Variants in USH2A observed in about 807,000 individuals in gnomAD.
USH2A encodes the protein Usher syndrome 2A (autosomal recessive, mild).
USH2A carries 443 observed loss-of-function variants against 538.9 expected under a neutral mutation model. The observed-to-expected ratio is 0.82, with a 90% CI of 0.76 to 0.89. The LOEUF (loss-of-function observed/expected upper bound fraction) is 0.89, where lower values mean the gene tolerates loss of function less well. Ranked by LOEUF, USH2A falls within the 40% of genes least tolerant of loss-of-function variation. The pLI, the probability that USH2A is intolerant of heterozygous loss-of-function variation, is 0.00. For synonymous variants in USH2A, 2,413 were observed against 2,273.5 expected (o/e 1.06, Z -1.75); for missense variants, 6,633 against 6,324.8 (o/e 1.05, Z -1.65).
At chr1:215,745,637 T>C (rs1660449842) in intron 58 of USH2A, among the ~76,000 whole-genome samples, 3 of 152,208 alleles carry the variant, frequency 2.0e-5, no homozygotes, top group Admixed American at 2.0e-4. Flanking sequence ...TTACTATTTT[T>C]TAAGATGAGA....
intron 64 of USH2A, among the ~76,000 whole-genome samples, chr1:215,651,974 G>C (rs920690962): frequency 1.3e-5 from 2 of 152,214 alleles, no homozygotes; most frequent in African/African-American, 4.8e-5. Context: ...GGATTGCCAG[G>C]AGCCTCATTT....
chr1:216,100,199 G>C (rs778927981), intron 21 of USH2A, among the ~76,000 whole-genome samples: 5 of 152,126 alleles, frequency 3.3e-5, no homozygotes, highest in Non-Finnish European at 7.4e-5. Context: ...CAGTTAAGTA[G>C]AATGGACAGA....
intron 32 of USH2A, among the ~76,000 whole-genome samples, chr1:216,015,147 A>G (rs1204741313): frequency 6.6e-6 from 1 of 152,190 alleles, no homozygotes; most frequent in Non-Finnish European, 1.5e-5. Flanking sequence ...TAAAAATTTT[A>G]GAGCAATATA....
At chr1:215,824,879 G>C (rs1218085992) in intron 47 of USH2A, among the ~76,000 whole-genome samples, 1 of 152,144 alleles carries the variant, frequency 6.6e-6, no homozygotes, top group Admixed American at 6.6e-5. Context: ...GGATATGAAA[G>C]TCCAATTTTC....
chr1:216,230,742 C>T (rs1372376630), intron 14 of USH2A, among the ~76,000 whole-genome samples: 1 of 151,992 alleles, frequency 6.6e-6, no homozygotes, highest in Non-Finnish European at 1.5e-5. Context: ...TATAAATATA[C>T]ACATATTGAG....
intron 4 of USH2A, among the ~76,000 whole-genome samples, chr1:216,348,730 G>C (rs1048107829): frequency 6.6e-6 from 1 of 152,066 alleles, no homozygotes; most frequent in African/African-American, 2.4e-5. Flanking sequence ...AAAAGAAAAA[G>C]AATTGCTTCA....
rs1159266343 is a variant in USH2A, at chr1:215,647,570, C to T, written c.14743G>A (p.Val4915Met). 1 of 1,614,176 alleles carries T rather than the reference C, an allele frequency of 6.2e-7. No homozygotes were observed. Residue 4915 changes from valine (V) to methionine (M), a missense_variant, in exon 67 of 72, where the codon GTG becomes ATG. Val to Met is a conservative substitution (Grantham distance 21). Coordinates refer to ENST00000307340, the MANE Select transcript of USH2A (RefSeq NM_206933.4). ...YKLRVVAHNE[V>M]GSTASEWISF... ...ATCCACTCGGAAGCCGTACTGCCCA[C>T]CTCGTTGTGTGCCACCACTCTCAGC...
intron 64 of USH2A, among the ~76,000 whole-genome samples, chr1:215,664,193 T>G (rs1170703894): frequency 2.0e-5 from 3 of 152,206 alleles, no homozygotes; most frequent in African/African-American, 7.2e-5. Context: ...TTTTTGATAG[T>G]GTGGGTTTTC....
At chr1:216,336,172 A>C (rs1455490361) in intron 4 of USH2A, among the ~76,000 whole-genome samples, 1 of 151,522 alleles carries the variant, frequency 6.6e-6, no homozygotes, top group Non-Finnish European at 1.5e-5. Context: ...AAACGTCATG[A>C]TCATCTTAAT....
chr1:216,403,622 C>G (rs929484475), intron 3 of USH2A, among the ~76,000 whole-genome samples: 2 of 151,832 alleles, frequency 1.3e-5, no homozygotes, highest in African/African-American at 4.8e-5. Context: ...TGCTATATAC[C>G]AACAATAATC....
intron 4 of USH2A, among the ~76,000 whole-genome samples, chr1:216,347,978 AATAG>A (rs2038211947): frequency 6.6e-6 from 1 of 152,148 alleles, no homozygotes; most frequent in Non-Finnish European, 1.5e-5. Context: ...TGGGCTGAAT[AATAG>A]ATAGCTGAAG....
intron 61 of USH2A, among the ~76,000 whole-genome samples, chr1:215,717,348 T>A (rs549002935): frequency 6.6e-6 from 1 of 152,244 alleles, no homozygotes; most frequent in South Asian, 2.1e-4. Context: ...TGATGTCACA[T>A]TCATCTTTTC....
chr1:216,416,724 T>C (rs1325699150), intron 3 of USH2A, among the ~76,000 whole-genome samples: 2 of 152,138 alleles, frequency 1.3e-5, no homozygotes, highest in East Asian at 3.9e-4. Context: ...CCGCTCTGCA[T>C]TTAGATTTTA....
chr1:215,728,192 A>G lies in USH2A; in HGVS notation c.11904T>C (p.Phe3968=), dbSNP rs946257764. The change falls in exon 61 of 72, where the codon TTT becomes TTC. Residue 3968 remains phenylalanine (F), a synonymous_variant. Coordinates refer to ENST00000307340, the MANE Select transcript of USH2A (RefSeq NM_206933.4). ...TQTLEAPPQD[F]PAPWAQATSA... Reference sequence around the variant, plus strand: ...TCGTGGCTTGAGCCCAAGGAGCTGGAAAATCTTGAGGTGGAGCTTCCAGAG... The same window carrying G: ...TCGTGGCTTGAGCCCAAGGAGCTGGGAAATCTTGAGGTGGAGCTTCCAGAG... 3.7e-6 allele frequency: 6 copies of G among 1,614,184 alleles called. No homozygotes were observed. Among genetic ancestry groups the G allele is most frequent in the Non-Finnish European group, 5.1e-6 (6 of 1,180,040 alleles).
chr1:215,900,725 C>A, intron 39 of USH2A, 30 bp downstream of exon 39: 1 of 1,613,216 alleles, frequency 6.2e-7, no homozygotes. Flanking sequence ...TATAACCCAG[C>A]TGATAGAATG....
chr1:215,639,139 AAT>A lies in USH2A; in HGVS notation c.15052+14_15052+15del. 1 of 1,613,308 alleles carries A rather than the reference AAT, an allele frequency of 6.2e-7. No homozygotes were observed. The highest frequency in any genetic ancestry group is 1.1e-5 in the South Asian group (1 of 91,070). ...GATGAATAGGTGCTACGCCAAGTAT[AAT>A]ATGAGTTGTTTACCAAGTCCAGTAG... On this transcript the variant is annotated intron_variant, in intron 69 of 71. Coordinates refer to ENST00000307340, the MANE Select transcript of USH2A (RefSeq NM_206933.4).
At chr1:215,867,191 A>C in intron 43 of USH2A, 21 bp from the exon 44 acceptor site, 1 of 1,611,838 alleles carries the variant, frequency 6.2e-7, no homozygotes, top group Non-Finnish European at 8.5e-7. Flanking sequence ...GTTTTGTTAA[A>C]AAAAGTATAT....
intron 3 of USH2A, among the ~76,000 whole-genome samples, chr1:216,389,019 G>A (rs532312615): frequency 6.6e-6 from 1 of 152,302 alleles, no homozygotes; most frequent in South Asian, 2.1e-4. Flanking sequence ...AATAGTGACA[G>A]AAGGAGAATA....
chr1:215,811,510 C>A (rs1322942524), intron 49 of USH2A, among the ~76,000 whole-genome samples: 3 of 152,128 alleles, frequency 2.0e-5, no homozygotes, highest in African/African-American at 7.2e-5. Context: ...CATCCAGGAA[C>A]TGACTAAGGA....
Sources: allele counts gnomAD v4.1 joint callset (sites outside exome capture counted in the v4.1 genomes callset), GRCh38; gene constraint gnomAD v4.1.1; transcripts MANE v1.5; gene names NCBI Gene and HGNC (gene_info 2026-07-23, HGNC 2026-07-21).